The following NYAP2 variants were observed in gnomAD, a reference collection of about 807,000 sequenced individuals.
The protein encoded by NYAP2 is neuronal tyrosine-phosphorylated phosphoinositide-3-kinase adaptor 2.
In NYAP2, 23 loss-of-function variants were observed where a neutral mutation model predicts 50.4. The ratio of observed to expected loss-of-function variants is 0.46; its 90% CI spans 0.33 to 0.65. The LOEUF (loss-of-function observed/expected upper bound fraction) is 0.65, where lower values mean the gene tolerates loss of function less well. NYAP2 is among the 30% of genes least tolerant of loss of function. The pLI, the probability that NYAP2 is intolerant of heterozygous loss-of-function variation, is 0.02. For missense variants in NYAP2, 885 were observed against 861.0 expected, an observed-to-expected ratio of 1.03 and a Z score of -0.35; for synonymous variants, 394 against 365.2, an observed-to-expected ratio of 1.08 and a Z score of -0.90.
intron 4 of NYAP2, 135 bp downstream of exon 4, chr2:225,513,807 A>T: frequency 1.8e-6 from 1 of 568,276 alleles, no homozygotes; most frequent in Non-Finnish European, 2.7e-6. Flanking sequence ...AGAAAAGAAG[A>T]ATTGAGGGGA....
At chr2:225,645,784 A>C (rs2106269025) in intron 6 of NYAP2, among the ~76,000 whole-genome samples, 1 of 152,324 alleles carries the variant, frequency 6.6e-6, no homozygotes, top group South Asian at 2.1e-4. Context: ...TTCTATTAAA[A>C]TTCAGGATCA....
the NYAP2 span, among the ~76,000 whole-genome samples, chr2:225,678,839 C>A: frequency 6.6e-6 from 1 of 152,046 alleles, no homozygotes; most frequent in South Asian, 2.1e-4. Flanking sequence ...GCTCAATTAT[C>A]CCCTTGCTGA....
the NYAP2 span, among the ~76,000 whole-genome samples, chr2:225,675,613 G>A: frequency 2.6e-5 from 4 of 151,976 alleles, no homozygotes; most frequent in Non-Finnish European, 4.4e-5. Flanking sequence ...TGAACATATC[G>A]TGCATGTGTC....
chr2:225,471,054 A>C (rs1193669590), intron 3 of NYAP2, among the ~76,000 whole-genome samples: 1 of 152,218 alleles, frequency 6.6e-6, no homozygotes, highest in African/African-American at 2.4e-5. Flanking sequence ...GTTAAAGTAA[A>C]ATTGAAGATT....
At chr2:225,570,661 C>T (rs1039063412) in intron 4 of NYAP2, among the ~76,000 whole-genome samples, 5 of 152,200 alleles carry the variant, frequency 3.3e-5, no homozygotes, top group Admixed American at 2.0e-4. Context: ...GGGCCCATCC[C>T]ATAACACATG....
intron 3 of NYAP2, among the ~76,000 whole-genome samples, chr2:225,479,648 G>GTTT (rs369568441): frequency 1.8e-4 from 27 of 148,258 alleles, no homozygotes; most frequent in African/African-American, 3.9e-4. Flanking sequence ...AAGTACCATA[G>GTTT]TTTTTTTTTT....
the NYAP2 span, among the ~76,000 whole-genome samples, chr2:225,681,017 T>C: frequency 2.6e-5 from 4 of 152,340 alleles, no homozygotes; most frequent in Non-Finnish European, 5.9e-5. Flanking sequence ...GCATTTTACA[T>C]TTGTGATTGT....
exon 7 of NYAP2, chr2:225,653,281 G>T (rs985036630): frequency 5.3e-5 from 8 of 152,104 alleles, no homozygotes; most frequent in Non-Finnish European, 1.2e-4. Flanking sequence ...GAGATGTTTT[G>T]TATTATTTGT....
chr2:225,665,021 A>G, the NYAP2 span, among the ~76,000 whole-genome samples: 2 of 152,206 alleles, frequency 1.3e-5, no homozygotes, highest in Admixed American at 1.3e-4. Flanking sequence ...GTAAATTAAG[A>G]CATTTATAGT....
chr2:225,583,105 T>G (rs1004173403), intron 5 of NYAP2, 70 bp downstream of exon 5: 1 of 1,530,564 alleles, frequency 6.5e-7, no homozygotes, highest in African/African-American at 1.4e-5. Context: ...AAGCCCATTG[T>G]GTGCAGATAA....
intron 3 of NYAP2, among the ~76,000 whole-genome samples, chr2:225,507,096 A>G (rs1690720788): frequency 1.3e-5 from 2 of 152,190 alleles, no homozygotes; most frequent in Admixed American, 6.5e-5. Context: ...TCAAATTTCT[A>G]GATGTGCATA....
chr2:225,438,919 T>G lies in NYAP2; in HGVS notation c.221+29818T>G, dbSNP rs181257901. On this transcript the variant is annotated intron_variant, in intron 3 of 6. Transcript: ENST00000636099. ...AGAAAAGTGCTCAGAAGTACCCAAG[T>G]ATAATGTGTTTAAGAGACTCAAAGA... 1.0e-3 allele frequency among the ~76,000 whole-genome samples: 159 copies of G among 152,228 alleles called. 1 individual carries two copies. The highest frequency in any genetic ancestry group is 3.8e-3 in the African/African-American group (157 of 41,554).
At chr2:225,546,688 G>A (rs145870029) in intron 4 of NYAP2, among the ~76,000 whole-genome samples, 3 of 152,146 alleles carry the variant, frequency 2.0e-5, no homozygotes, top group Non-Finnish European at 2.9e-5. Flanking sequence ...CCCAACTGTG[G>A]CCAAGCTGGC....
intron 3 of NYAP2, among the ~76,000 whole-genome samples, chr2:225,458,740 A>G (rs552117657): frequency 6.6e-6 from 1 of 152,352 alleles, no homozygotes; most frequent in East Asian, 1.9e-4. Context: ...AGCAGCTCAA[A>G]ATTTAAATTC....
At chr2:225,549,846 A>G (rs761052291) in intron 4 of NYAP2, among the ~76,000 whole-genome samples, 1 of 151,922 alleles carries the variant, frequency 6.6e-6, no homozygotes, top group Non-Finnish European at 1.5e-5. Context: ...TTAGCTGGGT[A>G]TGGTGGCGTG....
intron 5 of NYAP2, among the ~76,000 whole-genome samples, chr2:225,620,417 GCAC>G: frequency 3.6e-5 from 1 of 27,804 alleles, no homozygotes; most frequent in Middle Eastern, 0.018. Context: ...ACGCACACAT[GCAC>G]GCACACGCAC....
chr2:225,633,804 CA>C (rs1693363588), intron 6 of NYAP2, among the ~76,000 whole-genome samples: 1 of 152,186 alleles, frequency 6.6e-6, no homozygotes, highest in Non-Finnish European at 1.5e-5. Flanking sequence ...TGAAATCTCC[CA>C]ACTTTTAAAT....
At chr2:225,454,083 G>A (rs889798161) in intron 3 of NYAP2, among the ~76,000 whole-genome samples, 11 of 152,056 alleles carry the variant, frequency 7.2e-5, no homozygotes, top group African/African-American at 2.4e-4. Flanking sequence ...CAACACTTTG[G>A]GAGGTCAAGG....
chr2:225,595,084 C>T (rs981125982), intron 5 of NYAP2, among the ~76,000 whole-genome samples: 32 of 152,144 alleles, frequency 2.1e-4, no homozygotes, highest in African/African-American at 7.7e-4. Context: ...GGAGGAAAAA[C>T]TTTTCTATAC....
Sources: allele counts gnomAD v4.1 joint callset (sites outside exome capture counted in the v4.1 genomes callset), GRCh38; gene constraint gnomAD v4.1.1; transcripts MANE v1.5; gene names NCBI Gene and HGNC (gene_info 2026-07-23, HGNC 2026-07-21).